ATRN: variants seen among roughly 807,000 people sequenced by gnomAD.
The protein encoded by ATRN is attractin, also known as attractin-2.
ATRN carries 54 observed loss-of-function variants against 178.7 expected under a neutral mutation model. That is an observed-to-expected ratio of 0.30 (90% CI 0.24 to 0.38). The LOEUF is 0.38. ATRN is among the 10% of genes least tolerant of loss of function. The probability of loss-of-function intolerance (pLI) is 1.00; values close to 1 mark genes in which losing one functional copy is unlikely to be tolerated. For missense variants in ATRN, 1,443 were observed against 1,815.1 expected (o/e 0.79, Z 3.73); for synonymous variants, 636 against 663.0 (o/e 0.96, Z 0.63).
Position 3,545,837 on chromosome 20 carries a change from G to A in ATRN, c.684G>A (p.Leu228=). 6.2e-7 allele frequency: 1 copy of A among 1,614,010 alleles called. No homozygotes were observed. The highest frequency in any genetic ancestry group is 8.5e-7 in the Non-Finnish European group (1 of 1,179,918). ...TTGCCACATCAGGTTATGCCTTGCT[G>A]CATTTTTTTAGTGATGCTGCTTATA... is the stretch of plus-strand genomic sequence containing the variant. ...EVVATSGYAL[L]HFFSDAAYNL... Residue 228 remains leucine, a synonymous_variant, in exon 4 of 29, where the codon CTG becomes CTA. Coordinates refer to ENST00000262919, the MANE Select transcript of ATRN (RefSeq NM_139321.3).
At chr20:3,639,849 C>T (rs1432594078) in intron 27 of ATRN, among the ~76,000 whole-genome samples, 2 of 152,196 alleles carry the variant, frequency 1.3e-5, no homozygotes, top group Non-Finnish European at 2.9e-5. Context: ...AAAACCAGAA[C>T]CATGATTTGT....
chr20:3,550,079 G>A (rs978827510), intron 6 of ATRN, among the ~76,000 whole-genome samples: 5 of 152,210 alleles, frequency 3.3e-5, no homozygotes, highest in Admixed American at 3.3e-4. Context: ...TATAACCCCA[G>A]CACTTTCAGA....
chr20:3,560,931 C>G, intron 8 of ATRN, 26 bp downstream of exon 8: 2 of 1,608,276 alleles, frequency 1.2e-6, no homozygotes, highest in South Asian at 2.2e-5. Context: ...CCAGTAGATG[C>G]CTTTTGAACA....
intron 10 of ATRN, among the ~76,000 whole-genome samples, chr20:3,563,640 A>T (rs768542342): frequency 4.6e-5 from 7 of 152,176 alleles, no homozygotes; most frequent in Non-Finnish European, 1.0e-4. Flanking sequence ...TGTTATGCCT[A>T]CCTGGTAGTG....
intron 26 of ATRN, among the ~76,000 whole-genome samples, chr20:3,636,356 T>C (rs1177985103): frequency 1.3e-5 from 2 of 152,154 alleles, no homozygotes; most frequent in Non-Finnish European, 2.9e-5. Context: ...AAAAAGAATA[T>C]ATCATGTCAA....
intron 1 of ATRN, among the ~76,000 whole-genome samples, chr20:3,481,791 CTT>C (rs780144563): frequency 2.4e-4 from 24 of 100,486 alleles, no homozygotes; most frequent in African/African-American, 7.4e-4. Context: ...GGTGAATTTC[CTT>C]TTTTTTTTTT....
At position 3,649,659 on chromosome 20, in the gene ATRN, C is replaced by T. The variant is rs910996670; in HGVS notation, c.*2812C>T. 1 of 152,220 alleles carries T rather than the reference C, an allele frequency of 6.6e-6. No homozygotes were observed. The highest frequency in any genetic ancestry group is 2.4e-5 in the African/African-American group (1 of 41,462). The allele number at this position is 152,220 out of a possible 1,614,324, so 9.4% of individuals were successfully genotyped here. On this transcript the variant is annotated 3_prime_UTR_variant, in exon 29 of 29. Transcript: ENST00000262919. Reference sequence around the variant, plus strand: ...CTGCCGCTGCCCTTGGCCCTGCAAGCACATCATGACCCTTTCTGGCAGCCT... The same window carrying T: ...CTGCCGCTGCCCTTGGCCCTGCAAGTACATCATGACCCTTTCTGGCAGCCT...
At chr20:3,588,359 CTTCTA>C (rs942752531) in intron 18 of ATRN, among the ~76,000 whole-genome samples, 6 of 151,872 alleles carry the variant, frequency 4.0e-5, no homozygotes, top group Non-Finnish European at 8.8e-5. Context: ...AGAAAGTTTC[CTTCTA>C]TTCTAGTTTT....
intron 18 of ATRN, among the ~76,000 whole-genome samples, chr20:3,589,803 T>C (rs1051576549): frequency 6.6e-6 from 1 of 152,166 alleles, no homozygotes; most frequent in Non-Finnish European, 1.5e-5. Flanking sequence ...ATCTCCCTCA[T>C]TGGAAGAAGG....
At chr20:3,646,649 T>A in intron 28 of ATRN, 74 bp from the exon 29 acceptor site, 1 of 1,471,522 alleles carries the variant, frequency 6.8e-7, no homozygotes, top group Non-Finnish European at 9.0e-7. Context: ...GAAAAATAAA[T>A]GTTTAAATTA....
intron 1 of ATRN, among the ~76,000 whole-genome samples, chr20:3,501,932 C>T (rs1284557457): frequency 6.6e-6 from 1 of 152,010 alleles, no homozygotes; most frequent in Admixed American, 6.6e-5. Flanking sequence ...TGGGCTACAC[C>T]CTGTGCTTAA....
intron 24 of ATRN, among the ~76,000 whole-genome samples, chr20:3,624,077 C>G (rs2086917561): frequency 1.3e-5 from 2 of 152,200 alleles, no homozygotes; most frequent in African/African-American, 4.8e-5. Flanking sequence ...ATCTTGCAGT[C>G]AGTACACACT....
chr20:3,621,108 A>G (rs2086894058), intron 24 of ATRN, among the ~76,000 whole-genome samples: 1 of 152,158 alleles, frequency 6.6e-6, no homozygotes, highest in South Asian at 2.1e-4. Flanking sequence ...TATATAGACC[A>G]TAATTATCAC....
At chr20:3,562,853 T>C (rs181610710) in intron 9 of ATRN, among the ~76,000 whole-genome samples, 164 of 152,360 alleles carry the variant, frequency 1.1e-3, no homozygotes, top group African/African-American at 3.7e-3. Context: ...TTTGTGGGTA[T>C]GCTGAGACTA....
rs2084419522 is a variant in ATRN, at chr20:3,471,384, T to A, written c.277T>A (p.Ser93Thr). Residue 93 changes from serine (S) to threonine (T), a missense_variant, in exon 1 of 29, where the codon TCA becomes ACA. This residue lies in a region of ATRN where 862 missense variants were observed against 972.1 expected (regional missense o/e 0.89). Coordinates refer to ENST00000262919, the MANE Select transcript of ATRN (RefSeq NM_139321.3). ...AAAAAAAVSG[S>T]AAAEAKECDR... ...GGCGGCGGCGGCGGCGGTGTCGGGC[T>A]CAGCCGCAGCCGAGGCCAAGGAATG... 6.7e-7 allele frequency: 1 copy of A among 1,486,942 alleles called. No homozygotes were observed. 92.1% of individuals were successfully genotyped at this position (1,486,942 alleles called of 1,614,324 possible).
At chr20:3,559,523 T>A in intron 7 of ATRN, 40 bp downstream of exon 7, 1 of 1,509,966 alleles carries the variant, frequency 6.6e-7, no homozygotes, top group Non-Finnish European at 9.2e-7. Flanking sequence ...GAAACTAAGT[T>A]TTCCTCAGTT....
intron 2 of ATRN, among the ~76,000 whole-genome samples, chr20:3,535,853 C>G (rs2085524587): frequency 6.6e-6 from 1 of 152,128 alleles, no homozygotes; most frequent in South Asian, 2.1e-4. Flanking sequence ...TGGTCTCGAA[C>G]TCCTGACCTC....
intron 24 of ATRN, among the ~76,000 whole-genome samples, chr20:3,614,729 G>A (rs775888187): frequency 6.6e-5 from 10 of 152,058 alleles, no homozygotes; most frequent in African/African-American, 1.4e-4. Context: ...GCAGCCACCC[G>A]TCACTACAGC....
In ATRN at chr20:3,560,099, A is replaced by C. The variant is rs117745908; in HGVS notation, c.1204-563A>C. On this transcript the variant is annotated intron_variant, in intron 7 of 28. Transcript: ENST00000262919. ...CCATCTTTACCATTTTTAAGTGTAC[A>C]GTTTGGTGGTAATAAATATATTTAC... Among the ~76,000 whole-genome samples, 19 of 152,092 alleles carry C rather than the reference A, an allele frequency of 1.2e-4. No individual in the cohort carries two copies. In the East Asian group the frequency reaches 3.5e-3, roughly 28 times the overall value.
Sources: allele counts gnomAD v4.1 joint callset (sites outside exome capture counted in the v4.1 genomes callset), GRCh38; gene constraint gnomAD v4.1.1; regional missense constraint gnomAD v4.1.1; transcripts MANE v1.5; gene names NCBI Gene and HGNC (gene_info 2026-07-23, HGNC 2026-07-21).